PRKCE: variants seen among roughly 807,000 people sequenced by gnomAD.
The protein encoded by PRKCE is protein kinase C epsilon type.
A neutral mutation model predicts 85.4 loss-of-function variants in PRKCE; 16 were observed. The ratio of observed to expected loss-of-function variants is 0.19; its 90% CI spans 0.13 to 0.28. The LOEUF is 0.28. Ranked by LOEUF, PRKCE falls within the 10% of genes least tolerant of loss-of-function variation. The probability of loss-of-function intolerance (pLI) is 1.00; values close to 1 mark genes in which losing one functional copy is unlikely to be tolerated. For synonymous variants in PRKCE, 388 were observed against 371.5 expected (o/e 1.04, Z -0.51); for missense variants, 573 against 975.2 (o/e 0.59, Z 5.49).
chr2:45,714,217 C>A (rs974843505), intron 1 of PRKCE, among the ~76,000 whole-genome samples: 1 of 152,078 alleles, frequency 6.6e-6, no homozygotes, highest in African/African-American at 2.4e-5. Flanking sequence ...ATGAAACAAG[C>A]CAATACATAA....
intron 10 of PRKCE, among the ~76,000 whole-genome samples, chr2:46,085,586 T>A: frequency 8.7e-6 from 1 of 115,558 alleles, no homozygotes; most frequent in African/African-American, 3.4e-5. Context: ...TCTCTGCCTC[T>A]GTGGCCACTT....
At chr2:46,097,159 C>T (rs13000626) in intron 11 of PRKCE, among the ~76,000 whole-genome samples, 89,816 of 151,644 alleles carry the variant, frequency 0.59, 27,603 homozygotes, top group Non-Finnish European at 0.68. Flanking sequence ...GATATATTGA[C>T]ACTGATAAAC....
chr2:46,029,420 G>C lies in PRKCE; in HGVS notation c.1437+18903G>C, dbSNP rs73926165. 3.6e-3 allele frequency among the ~76,000 whole-genome samples: 545 copies of C among 152,230 alleles called. 4 individuals carry two copies. The highest frequency in any genetic ancestry group is 0.012 in the African/African-American group (512 of 41,520). ...TTTATGGATAAGCACATTGAGGTTT[G>C]GAATTTCATGTGACACCGGGGTGAA... On this transcript the variant is annotated intron_variant, in intron 10 of 14. Coordinates refer to ENST00000306156, the MANE Select transcript of PRKCE (RefSeq NM_005400.3).
At chr2:45,794,080 G>C (rs1231275836) in intron 1 of PRKCE, among the ~76,000 whole-genome samples, 1 of 152,236 alleles carries the variant, frequency 6.6e-6, no homozygotes, top group Non-Finnish European at 1.5e-5. Flanking sequence ...ACCCCAGCTA[G>C]AGAAGCAGGG....
chr2:46,036,953 AG>A (rs1264131704), intron 10 of PRKCE, among the ~76,000 whole-genome samples: 1 of 152,216 alleles, frequency 6.6e-6, no homozygotes, highest in African/African-American at 2.4e-5. Flanking sequence ...TCTCCCAGTC[AG>A]CTACCTTGGC....
intron 14 of PRKCE, among the ~76,000 whole-genome samples, chr2:46,180,709 A>C (rs1353763171): frequency 6.6e-6 from 1 of 152,236 alleles, no homozygotes; most frequent in Non-Finnish European, 1.5e-5. Flanking sequence ...CAGGTTCTGC[A>C]GAAGGAACCT....
At position 45,661,568 on chromosome 2, in the gene PRKCE, G is replaced by A. The variant is rs1436224150; in HGVS notation, c.348+9120G>A. On this transcript the variant is annotated intron_variant, in intron 1 of 14. Transcript: ENST00000306156. Reference sequence around the variant, plus strand: ...TTTTTAGAAGGAGTCTCGCTCTGTCGCCCAGGCTGGAGTGCAATGGTGCCA... The same window carrying A: ...TTTTTAGAAGGAGTCTCGCTCTGTCACCCAGGCTGGAGTGCAATGGTGCCA... 1.1e-4 allele frequency among the ~76,000 whole-genome samples: 14 copies of A among 124,472 alleles called. No individual in the cohort carries two copies. The East Asian group carries it at 1.2e-3, about 11-fold the overall frequency. The allele number at this position is 124,472 out of a possible 152,430, so 81.7% of individuals were successfully genotyped here. A position where few individuals can be genotyped will look rare whatever the true frequency, so the allele number is the denominator to read the frequency against.
intron 1 of PRKCE, among the ~76,000 whole-genome samples, chr2:45,727,744 T>C (rs1681200869): frequency 6.6e-6 from 1 of 152,112 alleles, no homozygotes; most frequent in South Asian, 2.1e-4. Flanking sequence ...AACCGCTGGC[T>C]CCTGGGTTCA....
At chr2:45,753,162 C>T (rs762817471) in intron 1 of PRKCE, among the ~76,000 whole-genome samples, 1 of 152,104 alleles carries the variant, frequency 6.6e-6, no homozygotes, top group Non-Finnish European at 1.5e-5. Flanking sequence ...ACCTACCACC[C>T]CAGGGCAGTG....
chr2:46,075,962 C>A (rs535019783), intron 10 of PRKCE, among the ~76,000 whole-genome samples: 7 of 152,186 alleles, frequency 4.6e-5, no homozygotes, highest in Non-Finnish European at 8.8e-5. Flanking sequence ...GAAGCCATGC[C>A]CCACGAATGG....
intron 1 of PRKCE, among the ~76,000 whole-genome samples, chr2:45,726,404 C>G (rs1190251346): frequency 1.3e-5 from 2 of 152,194 alleles, no homozygotes; most frequent in African/African-American, 4.8e-5. Flanking sequence ...CTTCAGCAAT[C>G]ACTACCCTGA....
chr2:45,864,148 G>A (rs1490320049), intron 2 of PRKCE, among the ~76,000 whole-genome samples: 4 of 152,282 alleles, frequency 2.6e-5, no homozygotes, highest in South Asian at 2.1e-4. Context: ...CCCTCAAAGA[G>A]CGTCATTCTG....
At chr2:45,876,181 A>G (rs1211069396) in intron 2 of PRKCE, among the ~76,000 whole-genome samples, 2 of 152,182 alleles carry the variant, frequency 1.3e-5, no homozygotes, top group African/African-American at 2.4e-5. Context: ...TTCATTTTCT[A>G]AACAATCTTG....
At chr2:45,891,777 T>A (rs569877911) in intron 2 of PRKCE, among the ~76,000 whole-genome samples, 1 of 152,342 alleles carries the variant, frequency 6.6e-6, no homozygotes, top group East Asian at 1.9e-4. Context: ...TCACAAGGCC[T>A]TGGCCCTCCT....
chr2:45,808,233 CGT>C (rs1688394399), intron 1 of PRKCE, among the ~76,000 whole-genome samples: 1 of 152,026 alleles, frequency 6.6e-6, no homozygotes, highest in Non-Finnish European at 1.5e-5. Flanking sequence ...TAACATTCAA[CGT>C]GTGTTTTACC....
chr2:45,756,807 G>A (rs1445756608), intron 1 of PRKCE, among the ~76,000 whole-genome samples: 5 of 152,218 alleles, frequency 3.3e-5, no homozygotes, highest in Non-Finnish European at 5.9e-5. Flanking sequence ...GGTTGCCTCA[G>A]GATGGAGGTT....
At chr2:45,788,894 C>G (rs1391434789) in intron 1 of PRKCE, among the ~76,000 whole-genome samples, 1 of 152,150 alleles carries the variant, frequency 6.6e-6, no homozygotes, top group African/African-American at 2.4e-5. Flanking sequence ...TGACTTACAC[C>G]ATTGGTCCTC....
intron 10 of PRKCE, among the ~76,000 whole-genome samples, chr2:46,055,386 G>C (rs576241003): frequency 8.5e-5 from 13 of 152,322 alleles, no homozygotes; most frequent in South Asian, 6.2e-4. Context: ...GCACCGAAGC[G>C]GCTGGCTAGT....
At chr2:45,833,655 A>G (rs926129030) in intron 1 of PRKCE, among the ~76,000 whole-genome samples, 3 of 152,258 alleles carry the variant, frequency 2.0e-5, no homozygotes, top group African/African-American at 7.2e-5. Context: ...GCTAGCTTCA[A>G]AACCTTTACT....
Sources: allele counts gnomAD v4.1 joint callset (sites outside exome capture counted in the v4.1 genomes callset), GRCh38; gene constraint gnomAD v4.1.1; transcripts MANE v1.5; gene names NCBI Gene and HGNC (gene_info 2026-07-23, HGNC 2026-07-21).